CX3CR1: variants seen among roughly 807,000 people sequenced by gnomAD.
The protein encoded by CX3CR1 is CX3C chemokine receptor 1.
For missense variants in CX3CR1, 363 were observed against 432.4 expected (o/e 0.84, Z 1.42); for synonymous variants, 168 against 178.5 (o/e 0.94, Z 0.47).
In CX3CR1 at chr3:39,265,938, C is replaced by T. The variant is rs768761417; in HGVS notation, c.572G>A (p.Arg191His). ...GCCAAGAAAATTTGTTTCCACATTG[C>T]GGAGCACGGGCCAGATTTCCTGGAG... The part of the protein sequence containing the change: ...EVLQEIWPVL[R>H]NVETNFLGFL... Residue 191 changes from arginine to histidine, a missense_variant, in exon 2 of 2, where the codon CGC (arginine) becomes CAC (histidine). Physicochemically the swap from Arg to His is conservative, Grantham distance 29. Coordinates refer to ENST00000399220, the MANE Select transcript of CX3CR1 (RefSeq NM_001337.4). 5.6e-6 allele frequency: 9 copies of T among 1,614,150 alleles called. No individual in the cohort carries two copies. The highest frequency in any genetic ancestry group is 3.3e-5 in the South Asian group (3 of 91,086).
At chr3:39,292,025 G>A in the CX3CR1 span, among the ~76,000 whole-genome samples, 1 of 152,234 alleles carries the variant, frequency 6.6e-6, no homozygotes, top group Non-Finnish European at 1.5e-5. Flanking sequence ...AAGCTTAGGG[G>A]CGCCCCCTTG....
At chr3:39,284,522 G>C (rs2040931491), upstream of CX3CR1, among the ~76,000 whole-genome samples, 1 of 152,144 alleles carries the variant, frequency 6.6e-6, no homozygotes, top group Non-Finnish European at 1.5e-5. Flanking sequence ...TTAAAGTCTG[G>C]GGATTAGAGG....
chr3:39,281,826 C>A, upstream of CX3CR1: 1 of 695,262 alleles, frequency 1.4e-6, no homozygotes, highest in South Asian at 1.7e-5. Flanking sequence ...ACTCACCTGG[C>A]TGTCCTGTCC....
upstream of CX3CR1, among the ~76,000 whole-genome samples, chr3:39,283,778 T>G (rs1168205576): frequency 9.8e-4 from 61 of 61,996 alleles, 1 homozygote; most frequent in Non-Finnish European, 1.8e-4. Context: ...AGACTCCATC[T>G]CAAAAAAAAA....
chr3:39,273,883 G>A (rs1168445566), intron 1 of CX3CR1, among the ~76,000 whole-genome samples: 1 of 152,164 alleles, frequency 6.6e-6, no homozygotes, highest in African/African-American at 2.4e-5. Context: ...TCCTGCCTGG[G>A]CCTCTCAAAG....
intron 1 of CX3CR1, among the ~76,000 whole-genome samples, chr3:39,271,981 G>A (rs1056070710): frequency 3.9e-5 from 6 of 152,190 alleles, no homozygotes; most frequent in Non-Finnish European, 8.8e-5. Flanking sequence ...TCAAAGGCCT[G>A]CCAGAGGTCT....
Position 39,265,305 on chromosome 3 carries a change from A to T in CX3CR1, c.*137T>A. On this transcript the variant is annotated 3_prime_UTR_variant, in exon 2 of 2. Transcript: ENST00000399220. ...AATTTTGAGCACAATTCTCAACAAC[A>T]CTCTAGGGTTGTTTTGTGTGCATTG... 1.2e-6 allele frequency: 1 copy of T among 815,928 alleles called. No homozygotes were observed. Among genetic ancestry groups the T allele is most frequent in the Non-Finnish European group, 1.9e-6 (1 of 523,442 alleles). 50.5% of individuals were successfully genotyped at this position (815,928 alleles called of 1,614,324 possible). A position where few individuals can be genotyped will look rare whatever the true frequency, so the allele number is the denominator to read the frequency against.
At chr3:39,283,801 A>T (rs372455723), upstream of CX3CR1, among the ~76,000 whole-genome samples, 943 of 28,464 alleles carry the variant, frequency 0.033, 13 homozygotes, top group Middle Eastern at 0.054. Flanking sequence ...AAAATTATAT[A>T]TATATATATA....
At chr3:39,281,377 C>T, upstream of CX3CR1, 1 of 776,724 alleles carries the variant, frequency 1.3e-6, no homozygotes, top group Non-Finnish European at 1.9e-6. Flanking sequence ...CTGGCTGCCT[C>T]AGCCCCTTCC....
chr3:39,267,844 G>GT (rs1264057923), intron 1 of CX3CR1, among the ~76,000 whole-genome samples: 1 of 152,224 alleles, frequency 6.6e-6, no homozygotes, highest in African/African-American at 2.4e-5. Flanking sequence ...CACTTCTGCA[G>GT]GCTGCACTCC....
upstream of CX3CR1, among the ~76,000 whole-genome samples, chr3:39,283,841 A>ATATATATATATAT (rs71085352): frequency 8.2e-5 from 9 of 109,876 alleles, no homozygotes; most frequent in South Asian, 3.2e-4. Context: ...ATATATATAT[A>ATATATATATATAT]ATGTGGTTAA....
chr3:39,268,520 C>T (rs1391926737), intron 1 of CX3CR1, among the ~76,000 whole-genome samples: 1 of 152,162 alleles, frequency 6.6e-6, no homozygotes, highest in Non-Finnish European at 1.5e-5. Flanking sequence ...TAGTCAAGTC[C>T]TTGGTGGTTC....
At chr3:39,283,791 AAAATTATATATATATATATATATATAT>A (rs1448018648), upstream of CX3CR1, among the ~76,000 whole-genome samples, 6 of 83,792 alleles carry the variant, frequency 7.2e-5, no homozygotes, top group East Asian at 2.4e-3. Context: ...AAAAAAAAAA[AAAATTATATATATATATATATATATAT>A]ATATATATAT....
upstream of CX3CR1, among the ~76,000 whole-genome samples, chr3:39,282,755 T>C (rs76897474): frequency 0.1 from 15,929 of 152,224 alleles, 859 homozygotes; most frequent in Middle Eastern, 0.13. Flanking sequence ...TGTTCTTCTG[T>C]GGGCCCTGGA....
upstream of CX3CR1, among the ~76,000 whole-genome samples, chr3:39,284,091 A>G (rs77427202): frequency 0.017 from 2,644 of 151,752 alleles, 72 homozygotes; most frequent in African/African-American, 0.06. Flanking sequence ...TACACACGCT[A>G]TGTACCCCGC....
In CX3CR1 at chr3:39,265,904, G is replaced by C; in HGVS notation, c.606C>G (p.Leu202=). Residue 202 remains leucine (L), a synonymous_variant, in exon 2 of 2, where the codon CTC becomes CTG. Transcript: ENST00000399220. ...AGCAATAACTCATAATGAGCAGGGGGAGTAGGAAGCCAAGAAAATTTGTTT... is the reference window on the plus strand; with the variant it reads ...AGCAATAACTCATAATGAGCAGGGGCAGTAGGAAGCCAAGAAAATTTGTTT... ...NVETNFLGFL[L]PLLIMSYCYF... The C allele has an allele frequency of 1.2e-6, 2 of 1,614,220 alleles. No homozygotes were observed. The highest frequency in any genetic ancestry group is 1.7e-6 in the Non-Finnish European group (2 of 1,180,024).
intron 1 of CX3CR1, chr3:39,266,770 G>A (rs2040706916): frequency 2.9e-6 from 2 of 697,282 alleles, no homozygotes; most frequent in East Asian, 2.8e-5. Flanking sequence ...ATGGCTCTGT[G>A]AGCATTTGGC....
upstream of CX3CR1, among the ~76,000 whole-genome samples, chr3:39,282,267 C>T (rs909433332): frequency 6.6e-6 from 1 of 152,186 alleles, no homozygotes. Flanking sequence ...AAAGGAGTCT[C>T]TGGCTCAGCG....
chr3:39,291,819 C>T, the CX3CR1 span, among the ~76,000 whole-genome samples: 32,353 of 152,118 alleles, frequency 0.21, 3,844 homozygotes, highest in African/African-American at 0.29. Context: ...CACCACAGGT[C>T]ACAAATTTAC....
Sources: allele counts gnomAD v4.1 joint callset (sites outside exome capture counted in the v4.1 genomes callset), GRCh38; gene constraint gnomAD v4.1.1; transcripts MANE v1.5; gene names NCBI Gene and HGNC (gene_info 2026-07-23, HGNC 2026-07-21).